The following ELFN2 variants were observed in gnomAD, a reference collection of about 807,000 sequenced individuals.
ELFN2 encodes the protein protein phosphatase 1 regulatory subunit 29.
Under a neutral mutation model 45.5 loss-of-function variants are expected in ELFN2, and 17 were observed. The observed-to-expected ratio is 0.37, with a 90% CI of 0.26 to 0.56. The LOEUF is 0.56. ELFN2 is among the 20% of genes least tolerant of loss of function. The pLI, the probability that ELFN2 is intolerant of heterozygous loss-of-function variation, is 0.77. For missense variants in ELFN2, 922 were observed against 1,183.2 expected (o/e 0.78, Z 3.24); for synonymous variants, 550 against 551.5 (o/e 1.00, Z 0.04).
intron 1 of ELFN2, among the ~76,000 whole-genome samples, chr22:37,423,247 T>A (rs1442302781): frequency 2.6e-5 from 4 of 152,094 alleles, no homozygotes; most frequent in African/African-American, 4.8e-5. Context: ...GGGGTTGAGA[T>A]GCAGGCACCA....
In ELFN2 at chr22:37,373,392, G is replaced by A. The variant is rs1931440008; in HGVS notation, c.2143C>T (p.Leu715=). 6 of 1,606,594 alleles carry A rather than the reference G, an allele frequency of 3.7e-6. No individual in the cohort carries two copies. Among genetic ancestry groups the A allele is most frequent in the Non-Finnish European group, 5.1e-6 (6 of 1,177,398 alleles). ...CTGTCGGCACCCTCCTCGTAGTACAGGGCGGGAAAGCTGTGCCGGTGCTCG... is the reference window on the plus strand; with the variant it reads ...CTGTCGGCACCCTCCTCGTAGTACAAGGCGGGAAAGCTGTGCCGGTGCTCG... ...CSEHRHSFPA[L]YYEEGADSLS... is the part of the protein sequence containing the mutation. The change falls in exon 3 of 3, where the codon CTG becomes TTG. Residue 715 remains leucine, a synonymous_variant. Coordinates refer to ENST00000402918, the MANE Select transcript of ELFN2 (RefSeq NM_052906.5).
At chr22:37,362,807 G>A (rs1184682237) in intron 1 of ELFN2, among the ~76,000 whole-genome samples, 1 of 152,198 alleles carries the variant, frequency 6.6e-6, no homozygotes, top group African/African-American at 2.4e-5. Flanking sequence ...TGAGGCATCA[G>A]CCCAACCCTG....
At position 37,374,279 on chromosome 22, in the gene ELFN2, A is replaced by T; in HGVS notation, c.1256T>A (p.Leu419Gln). The T allele has an allele frequency of 6.2e-7, 1 of 1,614,012 alleles. No homozygotes were observed. The change falls in exon 3 of 3, where the codon CTG (leucine) becomes CAG (glutamine). Residue 419 changes from leucine to glutamine, a missense_variant. Leu to Gln is a moderately radical substitution (Grantham distance 113). Transcript: ENST00000402918. ...CTCCTCCTGCATGCGCCGCTTGCGC[A>T]GGCAGTAGTACACGGCTCCCAGCAC... The part of the protein sequence containing the change: ...VIVLGAVYYC[L>Q]RKRRMQEEKQ...
chr22:37,375,146 T>C lies in ELFN2; in HGVS notation c.389A>G (p.Gln130Arg). 1.9e-6 allele frequency: 3 copies of C among 1,613,910 alleles called. No homozygotes were observed. The highest frequency in any genetic ancestry group is 2.5e-6 in the Non-Finnish European group (3 of 1,179,990). Residue 130 changes from glutamine to arginine, a missense_variant, in exon 3 of 3, where the codon CAG (glutamine) becomes CGG (arginine). By Grantham distance (43) the Gln-to-Arg change is conservative. Coordinates refer to ENST00000402918, the MANE Select transcript of ELFN2 (RefSeq NM_052906.5). ...GAGGTTGTGCTGGACAAAGAGGAAC[T>C]GCAGGCGGCTCATGCCTCGCAGCAT... is the stretch of plus-strand genomic sequence containing the variant. ...EGMLRGMSRL[Q>R]FLFVQHNLIE...
chr22:37,360,629 A>C (rs1296408501), intron 1 of ELFN2, among the ~76,000 whole-genome samples: 1 of 152,190 alleles, frequency 6.6e-6, no homozygotes, highest in South Asian at 2.1e-4. Flanking sequence ...AGGGGAGTCG[A>C]TGATCAGCTG....
At chr22:37,406,012 C>T (rs558800039) in intron 2 of ELFN2, among the ~76,000 whole-genome samples, 68 of 152,154 alleles carry the variant, frequency 4.5e-4, no homozygotes, top group African/African-American at 1.4e-3. Flanking sequence ...CATAGTGAGA[C>T]GCACCTGTAG....
At chr22:37,392,996 A>C (rs1224087850) in intron 2 of ELFN2, among the ~76,000 whole-genome samples, 1 of 152,186 alleles carries the variant, frequency 6.6e-6, no homozygotes, top group East Asian at 1.9e-4. Context: ...CATTAAAGAC[A>C]CTTCAACTTC....
chr22:37,389,876 C>T (rs1367965987), intron 2 of ELFN2, among the ~76,000 whole-genome samples: 1 of 152,156 alleles, frequency 6.6e-6, no homozygotes, highest in African/African-American at 2.4e-5. Context: ...AATTGAATTG[C>T]GCTCAGGGCG....
chr22:37,423,560 GAAT>G (rs1294082327), intron 1 of ELFN2, among the ~76,000 whole-genome samples: 2 of 152,166 alleles, frequency 1.3e-5, no homozygotes, highest in Non-Finnish European at 2.9e-5. Flanking sequence ...TCAAAATGAG[GAAT>G]AATAATAGTG....
chr22:37,348,100 G>A (rs954788728), intron 1 of ELFN2, among the ~76,000 whole-genome samples: 7 of 152,214 alleles, frequency 4.6e-5, no homozygotes, highest in Non-Finnish European at 8.8e-5. Context: ...TCAACCTCAG[G>A]GGCCCAATTG....
chr22:37,351,194 C>T (rs988759425), intron 1 of ELFN2, among the ~76,000 whole-genome samples: 1 of 149,068 alleles, frequency 6.7e-6, no homozygotes, highest in African/African-American at 2.4e-5. Context: ...GTCCTTCTCC[C>T]ATCTCTTCCT....
chr22:37,400,559 C>T (rs1473933748), intron 2 of ELFN2, among the ~76,000 whole-genome samples: 1 of 152,196 alleles, frequency 6.6e-6, no homozygotes, highest in East Asian at 1.9e-4. Context: ...ACCCATTAGA[C>T]AGATGGGAGC....
intron 1 of ELFN2, among the ~76,000 whole-genome samples, chr22:37,349,973 G>A (rs1403930989): frequency 1.3e-5 from 2 of 151,038 alleles, no homozygotes; most frequent in South Asian, 2.1e-4. Context: ...CCATGAGATC[G>A]GAGAGCCAAG....
intron 1 of ELFN2, among the ~76,000 whole-genome samples, chr22:37,346,555 G>T (rs1930700361): frequency 6.6e-6 from 1 of 152,138 alleles, no homozygotes; most frequent in Admixed American, 6.5e-5. Flanking sequence ...GATACAATTT[G>T]GTTTTTCATT....
At position 37,373,907 on chromosome 22, in the gene ELFN2, T is replaced by C. The variant is rs1931470143; in HGVS notation, c.1628A>G (p.Lys543Arg). Residue 543 changes from lysine (K) to arginine (R), a missense_variant, in exon 3 of 3, where the codon AAG becomes AGG. Around this residue, in one of 2 missense-constraint regions of ELFN2, gnomAD observed 564 missense variants for 642.8 expected, o/e 0.88. Transcript: ENST00000402918. Reference protein sequence around the residue: ...EISTIAKEVDKVNQIINNCID... With the variant: ...EISTIAKEVDRVNQIINNCID... ...GCAGTTGTTAATGATCTGGTTGACC[T>C]TGTCCACCTCCTTGGCAATGGTGGA... 6.2e-7 allele frequency: 1 copy of C among 1,613,326 alleles called. No individual in the cohort carries two copies. Among genetic ancestry groups the C allele is most frequent in the Non-Finnish European group, 8.5e-7 (1 of 1,179,988 alleles).
At chr22:37,359,239 A>C (rs1931023272) in intron 1 of ELFN2, among the ~76,000 whole-genome samples, 1 of 152,146 alleles carries the variant, frequency 6.6e-6, no homozygotes, top group Non-Finnish European at 1.5e-5. Context: ...AGGGAAGGAG[A>C]GTAACCAAGT....
intron 1 of ELFN2, among the ~76,000 whole-genome samples, chr22:37,358,422 C>T (rs964605464): frequency 2.6e-5 from 4 of 152,234 alleles, no homozygotes; most frequent in South Asian, 4.1e-4. Flanking sequence ...CTCGGTCCAC[C>T]GTTTCTTCGA....
intron 1 of ELFN2, chr22:37,354,692 C>A (rs1462506144): frequency 6.6e-6 from 1 of 150,426 alleles, no homozygotes; most frequent in Non-Finnish European, 1.5e-5. Context: ...TGCTATCTTT[C>A]ATTTAATACA....
chr22:37,396,657 C>T (rs1430814054), intron 2 of ELFN2, among the ~76,000 whole-genome samples: 1 of 152,166 alleles, frequency 6.6e-6, no homozygotes, highest in Non-Finnish European at 1.5e-5. Flanking sequence ...TCCAGGCGCC[C>T]CCTTCCTGCC....
Sources: gnomAD v4.1 joint callset for allele counts (sites outside exome capture counted in the v4.1 genomes callset) on GRCh38, gnomAD v4.1.1 for gene constraint, gnomAD v4.1.1 regional missense constraint, MANE v1.5 for transcripts, NCBI Gene and HGNC (gene_info 2026-07-23, HGNC 2026-07-21) for gene names.